The following KCNC2 variants were observed in gnomAD, a reference collection of about 807,000 sequenced individuals.
The protein encoded by KCNC2 is voltage-gated potassium channel KCNC2.
A neutral mutation model predicts 44.5 loss-of-function variants in KCNC2; 21 were observed. The ratio of observed to expected loss-of-function variants is 0.47; its 90% CI spans 0.33 to 0.68. The LOEUF (loss-of-function observed/expected upper bound fraction) is 0.68, where lower values mean the gene tolerates loss of function less well. KCNC2 is among the 30% of genes least tolerant of loss of function. The probability of loss-of-function intolerance (pLI) is 0.01; values close to 1 mark genes in which losing one functional copy is unlikely to be tolerated. For missense variants in KCNC2, 589 were observed against 826.2 expected (o/e 0.71, Z 3.52); for synonymous variants, 391 against 339.1 (o/e 1.15, Z -1.68).
intron 2 of KCNC2, among the ~76,000 whole-genome samples, chr12:75,089,400 A>G (rs933486132): frequency 6.6e-6 from 1 of 151,882 alleles, no homozygotes; most frequent in Non-Finnish European, 1.5e-5. Context: ...TAATATAACT[A>G]TAAAATAGAT....
chr12:75,131,852 T>C (rs1565879833), intron 2 of KCNC2, among the ~76,000 whole-genome samples: 2 of 152,146 alleles, frequency 1.3e-5, no homozygotes, highest in Non-Finnish European at 1.5e-5. Context: ...GGTGACACTC[T>C]GATTTCAGCC....
chr12:75,067,349 A>G (rs2137016138), intron 2 of KCNC2, among the ~76,000 whole-genome samples: 1 of 152,358 alleles, frequency 6.6e-6, no homozygotes, highest in East Asian at 1.9e-4. Flanking sequence ...AATTTTACAA[A>G]CAAGTAGATA....
intron 2 of KCNC2, among the ~76,000 whole-genome samples, chr12:75,094,902 A>G (rs2137149177): frequency 6.6e-6 from 1 of 151,950 alleles, no homozygotes; most frequent in Admixed American, 6.6e-5. Flanking sequence ...GGTAGAAAAC[A>G]CATTAGCTAC....
chr12:75,071,353 C>T (rs1394676224), intron 2 of KCNC2, among the ~76,000 whole-genome samples: 1 of 152,014 alleles, frequency 6.6e-6, no homozygotes, highest in Non-Finnish European at 1.5e-5. Flanking sequence ...ACCAGCTTCA[C>T]GAATAAAGGG....
At chr12:75,066,096 A>T (rs978493275) in intron 2 of KCNC2, among the ~76,000 whole-genome samples, 4 of 152,054 alleles carry the variant, frequency 2.6e-5, no homozygotes, top group African/African-American at 9.7e-5. Context: ...AAGAACACCT[A>T]AATTTATGAT....
rs1292977792 is a variant in KCNC2 at position 75,040,412 on chromosome 12, C to A, written c.*2693G>T. 1 of 152,304 alleles carries A rather than the reference C, an allele frequency of 6.6e-6. No homozygotes were observed. The highest frequency in any genetic ancestry group is 1.5e-5 in the Non-Finnish European group (1 of 67,936). 9.4% of individuals were successfully genotyped at this position (152,304 alleles called of 1,614,324 possible). A position where few individuals can be genotyped will look rare whatever the true frequency, so the allele number is the denominator to read the frequency against. The stretch of plus-strand genomic sequence containing the variant: ...TTGATTAAAGAATATCTCTTTTATG[C>A]AAAATATACATTTTAGGATATAATT... On this transcript the variant is annotated 3_prime_UTR_variant, in exon 5 of 5. Transcript: ENST00000549446.
chr12:75,198,275 T>C (rs2030946915), intron 2 of KCNC2, among the ~76,000 whole-genome samples: 1 of 151,896 alleles, frequency 6.6e-6, no homozygotes, highest in Admixed American at 6.6e-5. Context: ...TGAAAGTTGC[T>C]CAACTTTGAC....
chr12:75,161,098 C>T (rs1891094724), intron 2 of KCNC2, among the ~76,000 whole-genome samples: 1 of 151,522 alleles, frequency 6.6e-6, no homozygotes, highest in Non-Finnish European at 1.5e-5. Flanking sequence ...GTTGTAGGCA[C>T]TTTCATAAAT....
Position 75,041,982 on chromosome 12 carries a change from C to T in KCNC2, c.*1123G>A, listed in dbSNP as rs1233556367. On this transcript the variant is annotated 3_prime_UTR_variant, in exon 5 of 5. Transcript: ENST00000549446. ...AGGGAGCTAAGACAGACAAGAACAA[C>T]ATACAGGACAAAGCACCTGATTAAA... 7 of 1,037,164 alleles carry T rather than the reference C, an allele frequency of 6.7e-6. No individual in the cohort carries two copies. Among genetic ancestry groups the T allele is most frequent in the Middle Eastern group, 4.6e-4 (1 of 2,194 alleles). The allele number at this position is 1,037,164 out of a possible 1,614,324, so 64.2% of individuals were successfully genotyped here. A position where few individuals can be genotyped will look rare whatever the true frequency, so the allele number is the denominator to read the frequency against.
At chr12:75,106,059 G>A (rs1886756953) in intron 2 of KCNC2, among the ~76,000 whole-genome samples, 1 of 151,964 alleles carries the variant, frequency 6.6e-6, no homozygotes, top group Admixed American at 6.6e-5. Context: ...GACTAAGAAG[G>A]AACAAACAGA....
chr12:75,164,152 G>A (rs2137540289), intron 2 of KCNC2, among the ~76,000 whole-genome samples: 1 of 151,732 alleles, frequency 6.6e-6, no homozygotes. Context: ...CTCAGGATCC[G>A]AGCATCATTA....
chr12:75,208,056 A>C, intron 1 of KCNC2, 54 bp from the exon 2 acceptor site: 1 of 1,589,226 alleles, frequency 6.3e-7, no homozygotes, highest in Non-Finnish European at 8.5e-7. Context: ...TCAAAGACAC[A>C]CCATGACCCC....
chr12:75,177,308 A>G (rs746422825), intron 2 of KCNC2, among the ~76,000 whole-genome samples: 33 of 151,972 alleles, frequency 2.2e-4, no homozygotes, highest in Admixed American at 1.2e-3. Flanking sequence ...GGTTCAGGAA[A>G]TATAACTAAA....
At chr12:75,056,179 A>C (rs1289429573) in intron 2 of KCNC2, among the ~76,000 whole-genome samples, 2 of 152,042 alleles carry the variant, frequency 1.3e-5, no homozygotes, top group African/African-American at 4.8e-5. Context: ...TAAAAGAATA[A>C]ATTATAAAAT....
At chr12:75,149,115 A>G (rs1185250993) in intron 2 of KCNC2, among the ~76,000 whole-genome samples, 1 of 151,900 alleles carries the variant, frequency 6.6e-6, no homozygotes, top group Non-Finnish European at 1.5e-5. Flanking sequence ...CAATAACTCA[A>G]TTAATCAAGG....
intron 2 of KCNC2, among the ~76,000 whole-genome samples, chr12:75,100,875 T>C (rs1886319564): frequency 6.6e-6 from 1 of 152,112 alleles, no homozygotes; most frequent in Non-Finnish European, 1.5e-5. Flanking sequence ...GCCTCCAAAG[T>C]GAAGCTTATT....
At chr12:75,051,633 G>T (rs553937630) in intron 2 of KCNC2, among the ~76,000 whole-genome samples, 1 of 152,176 alleles carries the variant, frequency 6.6e-6, no homozygotes, top group African/African-American at 2.4e-5. Flanking sequence ...TAAAGGAATT[G>T]CAAATGAAAA....
At chr12:75,174,785 G>T (rs1482414480) in intron 2 of KCNC2, among the ~76,000 whole-genome samples, 1 of 151,794 alleles carries the variant, frequency 6.6e-6, no homozygotes, top group African/African-American at 2.4e-5. Flanking sequence ...CTCAAAAGAA[G>T]TCTCCCATTA....
At chr12:75,161,847 C>T (rs1479603388) in intron 2 of KCNC2, among the ~76,000 whole-genome samples, 1 of 151,610 alleles carries the variant, frequency 6.6e-6, no homozygotes, top group Non-Finnish European at 1.5e-5. Context: ...TAAACTATGA[C>T]AAAAAGCAAC....
Sources: gnomAD v4.1 joint callset for allele counts (sites outside exome capture counted in the v4.1 genomes callset) on GRCh38, gnomAD v4.1.1 for gene constraint, MANE v1.5 for transcripts, NCBI Gene and HGNC (gene_info 2026-07-23, HGNC 2026-07-21) for gene names.